The following HFM1 variants were observed in gnomAD, a reference collection of about 807,000 sequenced individuals.
The protein encoded by HFM1 is helicase for meiosis 1.
In HFM1, 169 loss-of-function variants were observed where a neutral mutation model predicts 192.1. The ratio of observed to expected loss-of-function variants is 0.88; its 90% CI spans 0.78 to 1.00. HFM1 has a LOEUF of 1.00. Among genes scored for constraint, HFM1 ranks in the 50% least tolerant of loss-of-function variants. The pLI is 0.00. For missense variants in HFM1, 1,661 were observed against 1,668.0 expected, an observed-to-expected ratio of 1.00 and a Z score of 0.07; for synonymous variants, 525 against 537.8, an observed-to-expected ratio of 0.98 and a Z score of 0.33.
chr1:91,369,968 C>T (rs752459144), intron 13 of HFM1, among the ~76,000 whole-genome samples: 16 of 152,234 alleles, frequency 1.1e-4, no homozygotes, highest in South Asian at 2.1e-4. Context: ...AACACCTCTA[C>T]GCAAATAAAC....
At chr1:91,357,834 A>G (rs1471698846) in intron 13 of HFM1, among the ~76,000 whole-genome samples, 1 of 152,174 alleles carries the variant, frequency 6.6e-6, no homozygotes, top group African/African-American at 2.4e-5. Context: ...AATCTAGAAA[A>G]CAATCCCAGT....
chr1:91,269,425 T>C (rs1037965862), intron 34 of HFM1, among the ~76,000 whole-genome samples: 1 of 152,186 alleles, frequency 6.6e-6, no homozygotes, highest in African/African-American at 2.4e-5. Context: ...TAATCATCTC[T>C]CATAAGTTAG....
intron 20 of HFM1, among the ~76,000 whole-genome samples, chr1:91,343,149 T>A (rs1027292605): frequency 1.5e-5 from 2 of 136,838 alleles, no homozygotes; most frequent in Admixed American, 1.7e-4. Context: ...GAGAATGGCA[T>A]GAACCCGGGA....
intron 34 of HFM1, among the ~76,000 whole-genome samples, chr1:91,272,989 A>C (rs370858499): frequency 2.1e-4 from 32 of 152,200 alleles, no homozygotes; most frequent in African/African-American, 6.7e-4. Context: ...AACTCAATGG[A>C]TAGGATTGTC....
At chr1:91,357,714 T>G (rs993331237) in intron 13 of HFM1, among the ~76,000 whole-genome samples, 1 of 152,226 alleles carries the variant, frequency 6.6e-6, no homozygotes, top group South Asian at 2.1e-4. Context: ...CCTCAAAGAT[T>G]CATTAAAAAA....
At chr1:91,388,840 C>T (rs1484577799) in intron 4 of HFM1, among the ~76,000 whole-genome samples, 1 of 151,948 alleles carries the variant, frequency 6.6e-6, no homozygotes, top group Non-Finnish European at 1.5e-5. Flanking sequence ...GCGAAGAACA[C>T]CATCAAAAAA....
At chr1:91,316,835 A>C (rs541046911) in intron 25 of HFM1, among the ~76,000 whole-genome samples, 49 of 152,306 alleles carry the variant, frequency 3.2e-4, no homozygotes, top group Admixed American at 7.8e-4. Context: ...ATCATGCTTG[A>C]ATGAAGCGAG....
intron 30 of HFM1, among the ~76,000 whole-genome samples, chr1:91,309,158 T>C (rs1650075347): frequency 6.6e-6 from 1 of 152,168 alleles, no homozygotes; most frequent in South Asian, 2.1e-4. Context: ...TTACTATTTA[T>C]CATAATTGCC....
Position 91,375,703 on chromosome 1 carries a change from C to A in HFM1, c.1420G>T (p.Glu474Ter). 1 of 1,613,090 alleles carries A rather than the reference C, an allele frequency of 6.2e-7. No homozygotes were observed. The highest frequency in any genetic ancestry group is 8.5e-7 in the Non-Finnish European group (1 of 1,179,358). Residue 474 changes from glutamate (E) to a stop codon, truncating the protein, a stop_gained, in exon 12 of 39, where the codon GAA (glutamate) becomes TAA (stop). Transcript: ENST00000370425. LOFTEE classifies it high-confidence loss of function. ...EDIAEWLSDG[E>*]RPAVCLKMDE... The stretch of plus-strand genomic sequence containing the variant: ...ATTTTCAGACACACAGCTGGTCTTT[C>A]ACCATCTGAAAGCCATTCTGCAATC...
chr1:91,371,834 C>G (rs1487704188), intron 13 of HFM1, among the ~76,000 whole-genome samples: 1 of 152,162 alleles, frequency 6.6e-6, no homozygotes, highest in Non-Finnish European at 1.5e-5. Context: ...TTGCCATCTA[C>G]TCATCTGACA....
At chr1:91,301,069 T>G (rs12563247) in intron 30 of HFM1, among the ~76,000 whole-genome samples, 38,045 of 148,486 alleles carry the variant, frequency 0.26, 1,846 homozygotes, top group Non-Finnish European at 0.29. Context: ...TTTAAGCTGA[T>G]AGGCAACCTC....
intron 8 of HFM1, among the ~76,000 whole-genome samples, chr1:91,379,678 A>G (rs1398314164): frequency 6.6e-6 from 1 of 152,182 alleles, no homozygotes; most frequent in Non-Finnish European, 1.5e-5. Context: ...TGTAACTAAA[A>G]GTGGAGAAAG....
intron 34 of HFM1, 80 bp downstream of exon 34, chr1:91,273,632 G>T: frequency 1.5e-6 from 1 of 658,320 alleles, no homozygotes; most frequent in Non-Finnish European, 2.6e-6. Flanking sequence ...TCAGATGCCG[G>T]TGTTTCAATA....
At chr1:91,338,405 CT>C (rs942739515) in intron 20 of HFM1, among the ~76,000 whole-genome samples, 5 of 152,212 alleles carry the variant, frequency 3.3e-5, no homozygotes, top group Admixed American at 6.5e-5. Context: ...TGAGTGCCCC[CT>C]GACTGCCAGC....
chr1:91,350,456 A>G (rs1238290473), intron 18 of HFM1, among the ~76,000 whole-genome samples: 1 of 152,178 alleles, frequency 6.6e-6, no homozygotes, highest in Non-Finnish European at 1.5e-5. Context: ...CTTATTTTCA[A>G]TGATTTAGAC....
intron 3 of HFM1, among the ~76,000 whole-genome samples, chr1:91,395,774 T>C (rs1237909315): frequency 6.6e-6 from 1 of 152,186 alleles, no homozygotes; most frequent in Non-Finnish European, 1.5e-5. Flanking sequence ...AATCAGAGTT[T>C]TTAAAAAAAT....
intron 4 of HFM1, among the ~76,000 whole-genome samples, chr1:91,388,742 G>C (rs974655893): frequency 6.6e-6 from 1 of 152,104 alleles, no homozygotes; most frequent in African/African-American, 2.4e-5. Context: ...CCAAAGTGAC[G>C]CCAAATCAGT....
intron 2 of HFM1, among the ~76,000 whole-genome samples, chr1:91,397,316 C>G (rs1490494103): frequency 6.6e-6 from 1 of 152,144 alleles, no homozygotes; most frequent in Non-Finnish European, 1.5e-5. Flanking sequence ...AACTACCCCT[C>G]CTCATCTTTC....
intron 30 of HFM1, among the ~76,000 whole-genome samples, chr1:91,282,245 G>C (rs999314292): frequency 1.3e-5 from 2 of 151,940 alleles, no homozygotes; most frequent in Non-Finnish European, 2.9e-5. Flanking sequence ...TGCTTTCATT[G>C]AGAAGGTATT....
Sources: gnomAD v4.1 joint callset for allele counts (sites outside exome capture counted in the v4.1 genomes callset) on GRCh38, gnomAD v4.1.1 for gene constraint, MANE v1.5 for transcripts, NCBI Gene and HGNC (gene_info 2026-07-23, HGNC 2026-07-21) for gene names.